Variants in PTPRN2 observed in about 807,000 individuals in gnomAD.
PTPRN2 encodes protein tyrosine phosphatase receptor type N2.
A neutral mutation model predicts 118.8 loss-of-function variants in PTPRN2; 74 were observed. The ratio of observed to expected loss-of-function variants is 0.62; its 90% confidence interval spans 0.52 to 0.76. The LOEUF is 0.76. Ranked by LOEUF, PTPRN2 falls within the 30% of genes least tolerant of loss-of-function variation. The probability of loss-of-function intolerance (pLI) is 0.00; values close to 1 mark genes in which losing one functional copy is unlikely to be tolerated. For missense variants in PTPRN2, 1,481 were observed against 1,394.4 expected (o/e 1.06, Z -0.99); for synonymous variants, 641 against 608.0 (o/e 1.05, Z -0.80).
intron 2 of PTPRN2, among the ~76,000 whole-genome samples, chr7:158,398,544 ACTCT>A (rs1046627851): frequency 3.3e-5 from 5 of 151,994 alleles, no homozygotes; most frequent in Non-Finnish European, 7.4e-5. Context: ...GTCAAAGTTA[ACTCT>A]CTCTTCTTAT....
intron 11 of PTPRN2, among the ~76,000 whole-genome samples, chr7:157,979,337 C>T (rs1338973938): frequency 6.6e-6 from 1 of 152,222 alleles, no homozygotes; most frequent in Non-Finnish European, 1.5e-5. Flanking sequence ...AAATATTATC[C>T]TTTAATCCAT....
intron 9 of PTPRN2, among the ~76,000 whole-genome samples, chr7:158,112,639 C>T (rs1367631912): frequency 6.6e-6 from 1 of 152,234 alleles, no homozygotes; most frequent in African/African-American, 2.4e-5. Context: ...AGTTTACATC[C>T]TGCACACGTG....
At chr7:157,870,068 T>G (rs1810957966) in intron 12 of PTPRN2, among the ~76,000 whole-genome samples, 1 of 152,184 alleles carries the variant, frequency 6.6e-6, no homozygotes, top group Non-Finnish European at 1.5e-5. Context: ...AGGAAATGCT[T>G]CAGGATCTTG....
At chr7:158,341,936 C>G (rs1322925111) in intron 2 of PTPRN2, among the ~76,000 whole-genome samples, 2 of 144,682 alleles carry the variant, frequency 1.4e-5, no homozygotes, top group Non-Finnish European at 3.0e-5. Context: ...CACCCACATT[C>G]TCACCATAAG....
intron 2 of PTPRN2, among the ~76,000 whole-genome samples, chr7:158,380,581 G>A (rs1810894531): frequency 6.6e-6 from 1 of 152,210 alleles, no homozygotes; most frequent in Non-Finnish European, 1.5e-5. Context: ...GCCTTCACGG[G>A]CTGGCATTGA....
chr7:158,009,615 A>G (rs998749038), intron 11 of PTPRN2, among the ~76,000 whole-genome samples: 5 of 152,218 alleles, frequency 3.3e-5, no homozygotes, highest in African/African-American at 1.2e-4. Flanking sequence ...CACTTAATAT[A>G]AAAACCACGA....
At chr7:157,878,930 A>G (rs1248350854) in intron 12 of PTPRN2, among the ~76,000 whole-genome samples, 1 of 135,798 alleles carries the variant, frequency 7.4e-6, no homozygotes, top group Non-Finnish European at 1.5e-5. Context: ...GAGCTCTCGG[A>G]TTCCGTGGGG....
chr7:158,170,356 T>G (rs1314263489), intron 5 of PTPRN2, among the ~76,000 whole-genome samples: 6 of 152,200 alleles, frequency 3.9e-5, no homozygotes, highest in Non-Finnish European at 8.8e-5. Flanking sequence ...TTCCCCTCAT[T>G]GCTATGAATG....
At chr7:157,543,543 G>T (rs1798113998) in intron 22 of PTPRN2, among the ~76,000 whole-genome samples, 1 of 152,240 alleles carries the variant, frequency 6.6e-6, no homozygotes, top group South Asian at 2.1e-4. Flanking sequence ...ATGGCTCTCG[G>T]ACACCCGCTG....
intron 2 of PTPRN2, among the ~76,000 whole-genome samples, chr7:158,337,534 C>A (rs1485854199): frequency 1.6e-5 from 2 of 128,594 alleles, no homozygotes; most frequent in Non-Finnish European, 1.6e-5. Context: ...GAGGTGACAC[C>A]TGCAGACGTC....
intron 3 of PTPRN2, among the ~76,000 whole-genome samples, chr7:158,279,765 C>A (rs1442965267): frequency 6.6e-6 from 1 of 152,222 alleles, no homozygotes; most frequent in Non-Finnish European, 1.5e-5. Context: ...CTCAGCAAGC[C>A]CCAGAGAGGG....
At chr7:158,312,089 AC>A (rs1296878208) in intron 3 of PTPRN2, among the ~76,000 whole-genome samples, 1 of 144,266 alleles carries the variant, frequency 6.9e-6, no homozygotes, top group Non-Finnish European at 1.5e-5. Context: ...GCACTCATTC[AC>A]ATGCTCACAT....
chr7:157,865,344 T>C (rs951875440), intron 12 of PTPRN2: 3 of 152,246 alleles, frequency 2.0e-5, no homozygotes, highest in Non-Finnish European at 4.4e-5. Flanking sequence ...GTTTGGGTGA[T>C]CCTAACTGAT....
At chr7:158,388,660 T>G (rs1001500633) in intron 2 of PTPRN2, among the ~76,000 whole-genome samples, 14 of 152,150 alleles carry the variant, frequency 9.2e-5, no homozygotes, top group Admixed American at 2.6e-4. Flanking sequence ...CATGATGGAT[T>G]AAATCACTGG....
intron 11 of PTPRN2, among the ~76,000 whole-genome samples, chr7:157,969,427 G>C (rs934618846): frequency 6.6e-6 from 1 of 152,116 alleles, no homozygotes; most frequent in Non-Finnish European, 1.5e-5. Context: ...TTTCCTCTTT[G>C]CACACATCCT....
intron 11 of PTPRN2, among the ~76,000 whole-genome samples, chr7:158,005,278 T>A (rs1805559752): frequency 6.6e-6 from 1 of 151,968 alleles, no homozygotes; most frequent in African/African-American, 2.4e-5. Flanking sequence ...TTCTCCATGT[T>A]GGTCAGGCTG....
intron 11 of PTPRN2, among the ~76,000 whole-genome samples, chr7:157,975,011 G>C (rs989263487): frequency 1.2e-4 from 19 of 152,258 alleles, no homozygotes; most frequent in Non-Finnish European, 2.2e-4. Context: ...GAGGGGCTGG[G>C]GAGAGCAGAG....
intron 1 of PTPRN2, among the ~76,000 whole-genome samples, chr7:158,579,261 G>A (rs183625116): frequency 2.6e-3 from 392 of 152,302 alleles, no homozygotes; most frequent in African/African-American, 9.0e-3. Context: ...CAATGCTTTT[G>A]CAATAATCTC....
At position 157,610,489 on chromosome 7, in the gene PTPRN2, T is replaced by C. The variant is rs968549915; in HGVS notation, c.2345-6414A>G. 6.6e-6 allele frequency among the ~76,000 whole-genome samples: 1 copy of C among 152,172 alleles called. No individual in the cohort carries two copies. Among genetic ancestry groups the C allele is most frequent in the African/African-American group, 2.4e-5 (1 of 41,444 alleles). ...CATGTTCCGGGATGTGCTCCACAGTTGGCACCAGCACCCACAAGCTCCTGC... is the reference window on the plus strand; with the variant it reads ...CATGTTCCGGGATGTGCTCCACAGTCGGCACCAGCACCCACAAGCTCCTGC... On this transcript the variant is annotated intron_variant, in intron 15 of 22. Coordinates refer to ENST00000389418, the MANE Select transcript of PTPRN2 (RefSeq NM_002847.5). The surrounding 1 kb of genome is among the most constrained non-coding windows in gnomAD (Gnocchi z 5.1).
Sources: gnomAD v4.1 joint callset for allele counts (sites outside exome capture counted in the v4.1 genomes callset) on GRCh38, gnomAD v4.1.1 for gene constraint, Gnocchi (gnomAD v3.1) non-coding constraint, MANE v1.5 for transcripts, NCBI Gene and HGNC (gene_info 2026-07-23, HGNC 2026-07-21) for gene names.